SLC9A7: variants seen among roughly 807,000 people sequenced by gnomAD.
SLC9A7 encodes the protein sodium/hydrogen exchanger 7.
SLC9A7 carries 19 observed loss-of-function variants against 52.6 expected under a neutral mutation model. The ratio of observed to expected loss-of-function variants is 0.36; its 90% CI spans 0.25 to 0.53. The LOEUF is 0.53. SLC9A7 is among the 20% of genes least tolerant of loss of function. SLC9A7 has a pLI of 0.91. For missense variants in SLC9A7, 455 were observed against 597.9 expected, an observed-to-expected ratio of 0.76 and a Z score of 2.49; for synonymous variants, 226 against 252.1, an observed-to-expected ratio of 0.90 and a Z score of 0.98.
intron 8 of SLC9A7, among the ~76,000 whole-genome samples, chrX:46,652,809 T>C (rs747562025): frequency 2.7e-5 from 3 of 111,881 alleles, no homozygotes; most frequent in East Asian, 2.8e-4. Context: ...ACCTCACTAA[T>C]ACTATATGAA....
intron 1 of SLC9A7, among the ~76,000 whole-genome samples, chrX:46,698,095 G>A (rs1377613323): frequency 8.9e-6 from 1 of 111,942 alleles, no homozygotes; most frequent in East Asian, 2.8e-4. Flanking sequence ...CAATGACTAA[G>A]GTGCCCAAAA....
chrX:46,720,579 A>G (rs771617720), intron 1 of SLC9A7, among the ~76,000 whole-genome samples: 2,197 of 108,869 alleles, frequency 0.02, 50 homozygotes, highest in African/African-American at 0.069. Context: ...ATCCATGGGA[A>G]AAAAAAAAAT....
intron 1 of SLC9A7, among the ~76,000 whole-genome samples, chrX:46,722,668 G>C (rs911486070): frequency 1.8e-5 from 2 of 112,177 alleles, no homozygotes; most frequent in African/African-American, 6.5e-5. Context: ...AGTGATTTGG[G>C]AACTCCAAAA....
chrX:46,641,816 G>A (rs183072447), intron 12 of SLC9A7, among the ~76,000 whole-genome samples: 2 of 111,708 alleles, frequency 1.8e-5, no homozygotes, highest in Admixed American at 1.9e-4. Context: ...TGTGACCTTG[G>A]GCAAATTACT....
intron 1 of SLC9A7, among the ~76,000 whole-genome samples, chrX:46,701,588 A>G (rs980236340): frequency 9.0e-6 from 1 of 111,186 alleles, no homozygotes; most frequent in Non-Finnish European, 1.9e-5. Context: ...CTCTGTCTCA[A>G]AAACAAACAA....
At chrX:46,612,425 C>A (rs1602131144) in intron 16 of SLC9A7, among the ~76,000 whole-genome samples, 1 of 111,454 alleles carries the variant, frequency 9.0e-6, no homozygotes, top group South Asian at 3.8e-4. Flanking sequence ...AAATCTAAGA[C>A]GTCCACCAGT....
At chrX:46,725,521 T>G in intron 1 of SLC9A7, 1 of 956,505 alleles carries the variant, frequency 1.0e-6, no homozygotes, top group Non-Finnish European at 1.5e-6. Flanking sequence ...TTGGTGTCCT[T>G]CAATGACTGG....
chrX:46,620,971 G>A lies in SLC9A7; in HGVS notation c.1823+6C>T. On this transcript the variant is annotated splice_donor_region_variant and intron_variant, in intron 15 of 16. Transcript: ENST00000616978. The stretch of plus-strand genomic sequence containing the variant: ...CCGACACAGGGGATGCTACTTAAAA[G>A]GATACTTGTGATCAAAGCTGTACCA... 1 of 1,180,582 alleles carries A rather than the reference G, an allele frequency of 8.5e-7. No homozygotes were observed. Among genetic ancestry groups the A allele is most frequent in the Non-Finnish European group, 1.1e-6 (1 of 870,241 alleles).
At chrX:46,753,360 A>G (rs1556289557) in intron 1 of SLC9A7, among the ~76,000 whole-genome samples, 1 of 112,186 alleles carries the variant, frequency 8.9e-6, no homozygotes. Context: ...TATATCATAT[A>G]TAAATTACAT....
At chrX:46,645,618 C>CTTTTTT (rs34064206) in intron 11 of SLC9A7, among the ~76,000 whole-genome samples, 2 of 78,061 alleles carry the variant, frequency 2.6e-5, no homozygotes, top group African/African-American at 1.2e-4. Flanking sequence ...TCCCCACTCC[C>CTTTTTT]TTTTTTTTTT....
chrX:46,689,610 CT>C (rs1342149880), intron 1 of SLC9A7, among the ~76,000 whole-genome samples: 46 of 94,129 alleles, frequency 4.9e-4, no homozygotes, highest in Middle Eastern at 5.3e-3. Context: ...TTTTTCAGTT[CT>C]TTTTTTTTTT....
At position 46,734,691 on chromosome X, in the gene SLC9A7, A is replaced by AT. The variant is rs1281255587; in HGVS notation, c.325+24013dup. Among the ~76,000 whole-genome samples, 240 of 104,587 alleles carry AT rather than the reference A, an allele frequency of 2.3e-3. 1 individual carries two copies. Among genetic ancestry groups the AT allele is most frequent in the African/African-American group, 5.0e-3 (145 of 28,974 alleles). The allele number at this position is 104,587 out of a possible 115,157, so 90.8% of individuals were successfully genotyped here. ...AGAAATGGCCAAACTGGCCACAGTC[A>AT]TTTTTTTTTTTGCATCACCACACTT... On this transcript the variant is annotated intron_variant, in intron 1 of 16. Transcript: ENST00000616978.
At chrX:46,688,085 A>G (rs1409832197) in intron 1 of SLC9A7, among the ~76,000 whole-genome samples, 1 of 112,341 alleles carries the variant, frequency 8.9e-6, no homozygotes, top group Non-Finnish European at 1.9e-5. Context: ...TTAACTAATC[A>G]ATAAATATTT....
intron 15 of SLC9A7, among the ~76,000 whole-genome samples, chrX:46,616,880 CTT>C (rs925078784): frequency 2.7e-5 from 3 of 111,868 alleles, no homozygotes; most frequent in Non-Finnish European, 5.6e-5. Flanking sequence ...AAGATTCCCT[CTT>C]TTTCTCTTGT....
At chrX:46,658,479 G>C (rs1278950778) in intron 7 of SLC9A7, among the ~76,000 whole-genome samples, 2 of 110,387 alleles carry the variant, frequency 1.8e-5, no homozygotes, top group Admixed American at 1.9e-4. Context: ...CCACTAGCAA[G>C]ACTAATAAAG....
At chrX:46,678,204 G>C (rs1338027996) in intron 3 of SLC9A7, among the ~76,000 whole-genome samples, 1 of 110,394 alleles carries the variant, frequency 9.1e-6, no homozygotes, top group Admixed American at 9.7e-5. Flanking sequence ...TAGATCCTAA[G>C]GATGTTGTTG....
At chrX:46,641,165 T>G (rs186930366) in intron 12 of SLC9A7, among the ~76,000 whole-genome samples, 39 of 112,276 alleles carry the variant, frequency 3.5e-4, no homozygotes, top group Admixed American at 3.1e-3. Flanking sequence ...GTTAAATTAG[T>G]GGCTGGAGCC....
chrX:46,744,063 C>G (rs1921559337), intron 1 of SLC9A7, among the ~76,000 whole-genome samples: 1 of 112,746 alleles, frequency 8.9e-6, no homozygotes, highest in South Asian at 3.6e-4. Flanking sequence ...ACAGCGTCAT[C>G]TATTTTATTG....
At position 46,713,714 on chromosome X, in the gene SLC9A7, T is replaced by C. The variant is rs4418460; in HGVS notation, c.326-31179A>G. Among the ~76,000 whole-genome samples, 458 of 110,170 alleles carry C rather than the reference T, an allele frequency of 4.2e-3. 1 individual carries two copies. Among genetic ancestry groups the C allele is most frequent in the Middle Eastern group, 9.4e-3 (2 of 213 alleles). On this transcript the variant is annotated intron_variant, in intron 1 of 16. Transcript: ENST00000616978. ...GAGGACTGGACCACTCCAGGAAAGC[T>C]GATCTCCTCCAGAACCCGGTGACTT...
Sources: allele counts gnomAD v4.1 joint callset (sites outside exome capture counted in the v4.1 genomes callset), GRCh38; gene constraint gnomAD v4.1.1; transcripts MANE v1.5; gene names NCBI Gene and HGNC (gene_info 2026-07-23, HGNC 2026-07-21).